SLC9A9: variants seen among roughly 807,000 people sequenced by gnomAD.
SLC9A9 encodes solute carrier family 9 member A9.
Under a neutral mutation model 77.8 loss-of-function variants are expected in SLC9A9, and 62 were observed. That is an observed-to-expected ratio of 0.80 (90% CI 0.65 to 0.98). The LOEUF (loss-of-function observed/expected upper bound fraction) is 0.98. Among genes scored for constraint, SLC9A9 ranks in the 50% least tolerant of loss-of-function variants. The probability of loss-of-function intolerance (pLI) is 0.00; values close to 1 mark genes in which losing one functional copy is unlikely to be tolerated. For synonymous variants in SLC9A9, 320 were observed against 283.5 expected (o/e 1.13, Z -1.29); for missense variants, 775 against 774.9 (o/e 1.00, Z 0.00).
chr3:143,481,121 C>T (rs1022289239), intron 11 of SLC9A9, among the ~76,000 whole-genome samples: 1 of 152,126 alleles, frequency 6.6e-6, no homozygotes. Context: ...CTTCAAGTAG[C>T]GTGCTGGGTG....
chr3:143,354,011 C>T (rs2108475885), intron 14 of SLC9A9, among the ~76,000 whole-genome samples: 1 of 152,298 alleles, frequency 6.6e-6, no homozygotes, highest in Non-Finnish European at 1.5e-5. Flanking sequence ...TTACACTAGG[C>T]ACTGGGAATA....
chr3:143,451,653 T>A lies in SLC9A9; in HGVS notation c.1469+15384A>T, dbSNP rs374904413. Among the ~76,000 whole-genome samples, 6 of 152,012 alleles carry A rather than the reference T, an allele frequency of 3.9e-5. No homozygotes were observed. The East Asian group carries it at 5.8e-4, about 15-fold the overall frequency. ...CAAAAATAAAGGAGAAAAGGGGAAG[T>A]TCCCCCTGCTTAATGCTTACAAAAA... On this transcript the variant is annotated intron_variant, in intron 12 of 15. Transcript: ENST00000316549.
intron 6 of SLC9A9, among the ~76,000 whole-genome samples, chr3:143,615,745 G>T (rs778528266): frequency 6.6e-6 from 1 of 152,116 alleles, no homozygotes; most frequent in Non-Finnish European, 1.5e-5. Flanking sequence ...ACAACTGCAG[G>T]AGGTATATAT....
At chr3:143,416,383 T>G (rs1471329309) in intron 12 of SLC9A9, among the ~76,000 whole-genome samples, 1 of 152,112 alleles carries the variant, frequency 6.6e-6, no homozygotes, top group African/African-American at 2.4e-5. Flanking sequence ...GGAGAGTCAA[T>G]TGATGTGGCA....
chr3:143,493,149 C>T (rs985201721), intron 11 of SLC9A9, among the ~76,000 whole-genome samples: 19 of 152,168 alleles, frequency 1.2e-4, no homozygotes, highest in African/African-American at 3.6e-4. Flanking sequence ...AATTAATATT[C>T]GTTTTCTCAA....
intron 2 of SLC9A9, among the ~76,000 whole-genome samples, chr3:143,815,005 G>A (rs1576746965): frequency 1.3e-5 from 2 of 152,172 alleles, no homozygotes; most frequent in South Asian, 4.2e-4. Flanking sequence ...GGATGAACAG[G>A]AGGAACAAAG....
intron 14 of SLC9A9, among the ~76,000 whole-genome samples, chr3:143,312,503 A>G (rs562959262): frequency 6.6e-6 from 1 of 152,358 alleles, no homozygotes; most frequent in Non-Finnish European, 1.5e-5. Context: ...CAAGTGGGAC[A>G]CTGGCTTACC....
chr3:143,365,445 G>A (rs574576156), intron 13 of SLC9A9, among the ~76,000 whole-genome samples: 432 of 152,246 alleles, frequency 2.8e-3, no homozygotes, highest in African/African-American at 9.7e-3. Flanking sequence ...AAAGGAAAAT[G>A]TAGAACTTCT....
chr3:143,449,961 A>T (rs1435995200), intron 12 of SLC9A9, among the ~76,000 whole-genome samples: 2 of 71,610 alleles, frequency 2.8e-5, no homozygotes, highest in Non-Finnish European at 4.4e-5. Flanking sequence ...TACATTATAT[A>T]ATATATATAA....
At chr3:143,694,875 T>C (rs1459678054) in intron 4 of SLC9A9, among the ~76,000 whole-genome samples, 2 of 152,172 alleles carry the variant, frequency 1.3e-5, no homozygotes, top group Non-Finnish European at 2.9e-5. Context: ...TTCTACCCTC[T>C]GAATTGAACT....
intron 12 of SLC9A9, among the ~76,000 whole-genome samples, chr3:143,408,931 A>G (rs903587079): frequency 4.6e-5 from 7 of 152,240 alleles, no homozygotes; most frequent in African/African-American, 1.7e-4. Context: ...TTTACAAAAG[A>G]TCTGCATAAA....
intron 14 of SLC9A9, among the ~76,000 whole-genome samples, chr3:143,290,692 A>G (rs1192602304): frequency 6.6e-6 from 1 of 152,266 alleles, no homozygotes; most frequent in Non-Finnish European, 1.5e-5. Flanking sequence ...GTTCCATGGC[A>G]GACAACTACG....
chr3:143,305,347 C>T (rs780467114), intron 14 of SLC9A9, among the ~76,000 whole-genome samples: 17 of 152,222 alleles, frequency 1.1e-4, no homozygotes, highest in Middle Eastern at 3.4e-3. Context: ...CCTTGATGTT[C>T]GCTACCACAT....
At chr3:143,741,430 T>G (rs1366726471) in intron 4 of SLC9A9, among the ~76,000 whole-genome samples, 1 of 152,220 alleles carries the variant, frequency 6.6e-6, no homozygotes, top group South Asian at 2.1e-4. Flanking sequence ...AAGTCCACAC[T>G]GATATAAATA....
chr3:143,625,487 C>T (rs1006190832), intron 6 of SLC9A9, among the ~76,000 whole-genome samples: 10 of 152,134 alleles, frequency 6.6e-5, no homozygotes, highest in African/African-American at 2.4e-4. Context: ...TGATCTTTGA[C>T]AAACCTGACA....
intron 5 of SLC9A9, among the ~76,000 whole-genome samples, chr3:143,663,928 T>G (rs1208816287): frequency 3.3e-5 from 5 of 152,070 alleles, no homozygotes; most frequent in Admixed American, 3.3e-4. Flanking sequence ...CCAGGAGAAC[T>G]TCCCCAGTCT....
At chr3:143,587,922 G>A (rs1244826835) in intron 6 of SLC9A9, among the ~76,000 whole-genome samples, 1 of 152,228 alleles carries the variant, frequency 6.6e-6, no homozygotes, top group African/African-American at 2.4e-5. Flanking sequence ...GATTAATTTA[G>A]CAGAAACAGC....
At chr3:143,477,901 G>A (rs548046093) in intron 11 of SLC9A9, among the ~76,000 whole-genome samples, 10 of 152,216 alleles carry the variant, frequency 6.6e-5, no homozygotes, top group African/African-American at 1.4e-4. Context: ...AATCTCCTTC[G>A]GCTTCCCTAG....
chr3:143,278,710 A>G (rs1292407503), intron 14 of SLC9A9, among the ~76,000 whole-genome samples: 1 of 152,200 alleles, frequency 6.6e-6, no homozygotes, highest in Non-Finnish European at 1.5e-5. Flanking sequence ...TGTCTTAACT[A>G]CATATATAAG....
Sources: gnomAD v4.1 joint callset for allele counts (sites outside exome capture counted in the v4.1 genomes callset) on GRCh38, gnomAD v4.1.1 for gene constraint, MANE v1.5 for transcripts, NCBI Gene and HGNC (gene_info 2026-07-23, HGNC 2026-07-21) for gene names.